GBX1: variants seen among roughly 807,000 people sequenced by gnomAD.
GBX1 encodes the protein gastrulation brain homeobox 1.
A neutral mutation model predicts 22.9 loss-of-function variants in GBX1; 9 were observed. The observed-to-expected ratio is 0.39, with a 90% CI of 0.24 to 0.69. GBX1 has a LOEUF of 0.69. Ranked by LOEUF, GBX1 falls within the 30% of genes least tolerant of loss-of-function variation. The pLI, the probability that GBX1 is intolerant of heterozygous loss-of-function variation, is 0.43. For missense variants in GBX1, 494 were observed against 509.2 expected, an observed-to-expected ratio of 0.97 and a Z score of 0.29; for synonymous variants, 203 against 227.3, an observed-to-expected ratio of 0.89 and a Z score of 0.96.
chr7:151,149,717 G>T, intron 1 of GBX1: 1 of 335,126 alleles, frequency 3.0e-6, no homozygotes, highest in Admixed American at 4.2e-5. Context: ...ATCTGGCCCA[G>T]CTGACGAGAG....
intron 1 of GBX1, among the ~76,000 whole-genome samples, chr7:151,152,563 T>C (rs1002304241): frequency 6.6e-6 from 1 of 152,146 alleles, no homozygotes; most frequent in Non-Finnish European, 1.5e-5. Flanking sequence ...TTACAATATG[T>C]TAAACAGTGC....
intron 1 of GBX1, among the ~76,000 whole-genome samples, chr7:151,158,227 C>G (rs1182993875): frequency 1.3e-5 from 2 of 152,162 alleles, no homozygotes; most frequent in African/African-American, 2.4e-5. Context: ...CACCTCACTC[C>G]CACAACTCTC....
In GBX1 at chr7:151,148,934, C is replaced by G. The variant is rs759719860; in HGVS notation, c.747G>C (p.Pro249=). ...SLGTGAEEGA[P]VTAGVTAPGG... ...CAGGAGCTGTGACCCCTGCTGTCACCGGTGCCCCCTCCTCAGCTCCAGTCC... is the reference window on the plus strand; with the variant it reads ...CAGGAGCTGTGACCCCTGCTGTCACGGGTGCCCCCTCCTCAGCTCCAGTCC... The change falls in exon 2 of 2, where the codon CCG becomes CCC. Residue 249 remains proline, a synonymous_variant. Coordinates refer to ENST00000297537, the MANE Select transcript of GBX1 (RefSeq NM_001098834.3). This position sits in a 1 kb window ranked among gnomAD's most constrained non-coding sequence, Gnocchi z 5.1. The G allele has an allele frequency of 1.9e-6, 3 of 1,614,090 alleles. No individual in the cohort carries two copies. In the Admixed American group the frequency reaches 5.0e-5, roughly 27 times the overall value.
At chr7:151,161,644 G>C (rs546511538) in intron 1 of GBX1, among the ~76,000 whole-genome samples, 1 of 152,136 alleles carries the variant, frequency 6.6e-6, no homozygotes. Flanking sequence ...ATTAAACAAG[G>C]TCCCTCCAAA....
chr7:151,155,359 T>G (rs1158046264), intron 1 of GBX1, among the ~76,000 whole-genome samples: 5 of 152,164 alleles, frequency 3.3e-5, no homozygotes, highest in African/African-American at 1.2e-4. Context: ...TAAATCCTCA[T>G]TTCATCATGC....
intron 1 of GBX1, among the ~76,000 whole-genome samples, chr7:151,161,034 C>T (rs983496541): frequency 3.9e-5 from 6 of 151,986 alleles, no homozygotes; most frequent in Non-Finnish European, 8.8e-5. Flanking sequence ...TACTCAATTA[C>T]TTCTCTTCTA....
At chr7:151,158,861 C>T (rs760932619) in intron 1 of GBX1, among the ~76,000 whole-genome samples, 1 of 152,124 alleles carries the variant, frequency 6.6e-6, no homozygotes, top group Non-Finnish European at 1.5e-5. Context: ...TTTCAGGATG[C>T]TGCACAAATA....
chr7:151,153,167 G>C (rs1311329445), intron 1 of GBX1, among the ~76,000 whole-genome samples: 3 of 152,166 alleles, frequency 2.0e-5, no homozygotes, highest in Admixed American at 2.0e-4. Context: ...CTAGAGAAGG[G>C]AGAGAGAAAA....
Position 151,167,591 on chromosome 7 carries a change from C to T in GBX1, c.-43G>A. 5 of 1,286,440 alleles carry T rather than the reference C, an allele frequency of 3.9e-6. No individual in the cohort carries two copies. Among genetic ancestry groups the T allele is most frequent in the Non-Finnish European group, 4.9e-6 (5 of 1,024,170 alleles). 79.7% of individuals were successfully genotyped at this position (1,286,440 alleles called of 1,614,324 possible). ...CCGCCCCGGGGCGCTCCTCTCTGGGCGCCTCCGTGCGCCCCGCGGCTCGGG... is the reference window on the plus strand; with the variant it reads ...CCGCCCCGGGGCGCTCCTCTCTGGGTGCCTCCGTGCGCCCCGCGGCTCGGG... On this transcript the variant is annotated 5_prime_UTR_variant, in exon 1 of 2. Coordinates refer to ENST00000297537, the MANE Select transcript of GBX1 (RefSeq NM_001098834.3). The surrounding 1 kb of genome is among the most constrained non-coding windows in gnomAD (Gnocchi z 5.9).
intron 1 of GBX1, among the ~76,000 whole-genome samples, chr7:151,151,712 C>G (rs1242790225): frequency 6.6e-6 from 1 of 152,182 alleles, no homozygotes; most frequent in Non-Finnish European, 1.5e-5. Context: ...TTAAAATACC[C>G]CCAGAGCCCA....
Position 151,167,407 on chromosome 7 carries a change from T to C in GBX1, c.142A>G (p.Met48Val), listed in dbSNP as rs971015580. Residue 48 changes from methionine (M) to valine (V), a missense_variant, in exon 1 of 2, where the codon ATG (methionine) becomes GTG (valine). Coordinates refer to ENST00000297537, the MANE Select transcript of GBX1 (RefSeq NM_001098834.3). The surrounding 1 kb of genome is among the most constrained non-coding windows in gnomAD (Gnocchi z 5.9). ...ACGAGCGGCCGGTAGGGCATGAACA[T>C]GGGGTAGCCGGTGTACAGCAAGTGG... is the stretch of plus-strand genomic sequence containing the variant. ...SGHLLYTGYP[M>V]FMPYRPLVLP... 5.3e-6 allele frequency: 8 copies of C among 1,517,186 alleles called. No individual in the cohort carries two copies. The highest frequency in any genetic ancestry group is 7.1e-6 in the Non-Finnish European group (8 of 1,134,054). 94.0% of individuals were successfully genotyped at this position (1,517,186 alleles called of 1,614,324 possible).
intron 1 of GBX1, among the ~76,000 whole-genome samples, chr7:151,152,073 T>C (rs914551408): frequency 4.6e-5 from 7 of 152,250 alleles, no homozygotes; most frequent in African/African-American, 1.4e-4. Context: ...TATAGCTTCG[T>C]GAAAGTAGGT....
Position 151,167,346 on chromosome 7 carries a change from G to C in GBX1, c.203C>G (p.Ala68Gly). The change falls in exon 1 of 2, where the codon GCT becomes GGT. Residue 68 changes from alanine to glycine, a missense_variant. This residue lies in a region of GBX1 where 365 missense variants were observed against 340.4 expected (regional missense o/e 1.07). Transcript: ENST00000297537. This position sits in a 1 kb window ranked among gnomAD's most constrained non-coding sequence, Gnocchi z 5.9. ...PQALAPAPLP[A>G]GLPPLAPLAS... ...TAGCGGGGCGAGGGGCGGGAGGCCA[G>C]CGGGCAGCGGCGCAGGGGCCAGCGC... 2.0e-6 allele frequency: 3 copies of C among 1,507,858 alleles called. No individual in the cohort carries two copies. Among genetic ancestry groups the C allele is most frequent in the Middle Eastern group, 1.8e-4 (1 of 5,670 alleles). 93.4% of individuals were successfully genotyped at this position (1,507,858 alleles called of 1,614,324 possible).
intron 1 of GBX1, among the ~76,000 whole-genome samples, chr7:151,162,695 T>G (rs1271681251): frequency 6.6e-6 from 1 of 152,124 alleles, no homozygotes; most frequent in African/African-American, 2.4e-5. Flanking sequence ...ATATATGGAG[T>G]AGCTACCATT....
intron 1 of GBX1, chr7:151,149,650 T>G: frequency 3.4e-6 from 1 of 297,878 alleles, no homozygotes; most frequent in South Asian, 2.8e-5. Flanking sequence ...GAACTGACCT[T>G]GGCAGGACAG....
Position 151,167,392 on chromosome 7 carries a change from G to T in GBX1, c.157C>A (p.Arg53=). 2 of 1,515,120 alleles carry T rather than the reference G, an allele frequency of 1.3e-6. No individual in the cohort carries two copies. The highest frequency in any genetic ancestry group is 2.7e-5 in the East Asian group (1 of 36,422). 93.9% of individuals were successfully genotyped at this position (1,515,120 alleles called of 1,614,324 possible). ...AGCGCCTGCGGCAGCACGAGCGGCC[G>T]GTAGGGCATGAACATGGGGTAGCCG... ...YTGYPMFMPY[R]PLVLPQALAP... Residue 53 remains arginine (R), a synonymous_variant, in exon 1 of 2, where the codon CGG becomes AGG. Coordinates refer to ENST00000297537, the MANE Select transcript of GBX1 (RefSeq NM_001098834.3). This position sits in a 1 kb window ranked among gnomAD's most constrained non-coding sequence, Gnocchi z 5.9.
chr7:151,157,938 C>T (rs557281019), intron 1 of GBX1, among the ~76,000 whole-genome samples: 1 of 152,266 alleles, frequency 6.6e-6, no homozygotes, highest in Non-Finnish European at 1.5e-5. Context: ...TGTGCTTGTG[C>T]CTTCTCTTAC....
At chr7:151,151,415 T>C (rs906712233) in intron 1 of GBX1, among the ~76,000 whole-genome samples, 26 of 152,186 alleles carry the variant, frequency 1.7e-4, no homozygotes, top group African/African-American at 5.8e-4. Flanking sequence ...TCTATGTTGT[T>C]TTCTCTAAGA....
At position 151,149,098 on chromosome 7, in the gene GBX1, A is replaced by T. The variant is rs1006001851; in HGVS notation, c.583T>A (p.Ser195Thr). ...TCGCTGCCTGCTGGGTCTCCTGCTGATGCCTCCAGCTTCTCCTCATCTGAG... is the reference window on the plus strand; with the variant it reads ...TCGCTGCCTGCTGGGTCTCCTGCTGTTGCCTCCAGCTTCTCCTCATCTGAG... ...YSSDEEKLEASAGDPAGSEQE... is the reference protein window; with the variant it reads ...YSSDEEKLEATAGDPAGSEQE... The change falls in exon 2 of 2, where the codon TCA becomes ACA. Residue 195 changes from serine to threonine, a missense_variant. Physicochemically the swap from Ser to Thr is moderately conservative, Grantham distance 58. Transcript: ENST00000297537. 3.1e-6 allele frequency: 5 copies of T among 1,611,648 alleles called. No homozygotes were observed. The African/African-American group carries it at 6.7e-5, about 22-fold the overall frequency.
Sources: allele counts gnomAD v4.1 joint callset (sites outside exome capture counted in the v4.1 genomes callset), GRCh38; gene constraint gnomAD v4.1.1; regional missense constraint gnomAD v4.1.1; non-coding constraint Gnocchi (gnomAD v3.1); transcripts MANE v1.5; gene names NCBI Gene and HGNC (gene_info 2026-07-23, HGNC 2026-07-21).